Variants in MYO3B observed in about 807,000 individuals in gnomAD.
MYO3B encodes the protein myosin IIIB, also known as myosin-IIIb.
In MYO3B, 156 loss-of-function variants were observed where a neutral mutation model predicts 174.6. That is an observed-to-expected ratio of 0.89 (90% confidence interval 0.78 to 1.02). The LOEUF (loss-of-function observed/expected upper bound fraction) is 1.02, where lower values mean the gene tolerates loss of function less well. Ranked by LOEUF, MYO3B falls within the 50% of genes least tolerant of loss-of-function variation. MYO3B has a pLI of 0.00. For missense variants in MYO3B, 1,632 were observed against 1,639.4 expected (o/e 1.00, Z 0.08); for synonymous variants, 563 against 569.1 (o/e 0.99, Z 0.15).
intron 7 of MYO3B, among the ~76,000 whole-genome samples, chr2:170,273,527 A>G (rs1253195154): frequency 6.6e-6 from 1 of 152,140 alleles, no homozygotes; most frequent in East Asian, 1.9e-4. Context: ...CAGCCGTATC[A>G]AATTAAGTCT....
intron 7 of MYO3B, among the ~76,000 whole-genome samples, chr2:170,319,996 A>G (rs2093812418): frequency 6.6e-6 from 1 of 152,248 alleles, no homozygotes; most frequent in Non-Finnish European, 1.5e-5. Context: ...ACTTGTTGCT[A>G]GCCAACCCGC....
chr2:170,216,920 G>A (rs1244140495), intron 5 of MYO3B, among the ~76,000 whole-genome samples: 1 of 151,844 alleles, frequency 6.6e-6, no homozygotes, highest in Non-Finnish European at 1.5e-5. Flanking sequence ...TTTAAATAGA[G>A]TGATAAATGC....
intron 8 of MYO3B, among the ~76,000 whole-genome samples, chr2:170,355,477 TTATC>T (rs1416194862): frequency 6.6e-6 from 1 of 152,214 alleles, no homozygotes; most frequent in African/African-American, 2.4e-5. Flanking sequence ...TCCTGCCTCT[TTATC>T]TAATCTCCTA....
chr2:170,379,576 C>A (rs2094320995), intron 9 of MYO3B, among the ~76,000 whole-genome samples: 1 of 152,176 alleles, frequency 6.6e-6, no homozygotes, highest in Admixed American at 6.5e-5. Flanking sequence ...TATGTATCCT[C>A]CTGCTGTTTT....
At chr2:170,592,164 A>G (rs1693857197) in intron 32 of MYO3B, among the ~76,000 whole-genome samples, 1 of 152,180 alleles carries the variant, frequency 6.6e-6, no homozygotes, top group Non-Finnish European at 1.5e-5. Context: ...CACCATAACC[A>G]TATCACTAAA....
chr2:170,178,385 G>A (rs2092357942), intron 1 of MYO3B, 96 bp downstream of exon 1: 2 of 1,514,396 alleles, frequency 1.3e-6, no homozygotes, highest in Non-Finnish European at 1.8e-6. Context: ...CTGGTGGGCA[G>A]TGGAGGGGGA....
rs756891723 is a variant in MYO3B, at chr2:170,313,063, C to G, written c.750-22322C>G. ...ATGTAATAAATGCATTAGCATTGCC[C>G]CTTCTTCTACTCCCAGTAATTGGCA... On this transcript the variant is annotated intron_variant, in intron 7 of 34. Transcript: ENST00000408978. 1.0e-3 allele frequency among the ~76,000 whole-genome samples: 154 copies of G among 152,164 alleles called. 1 individual carries two copies. The highest frequency in any genetic ancestry group is 3.8e-4 in the Non-Finnish European group (26 of 68,028).
intron 32 of MYO3B, among the ~76,000 whole-genome samples, chr2:170,549,258 T>C (rs1404067597): frequency 6.6e-6 from 1 of 152,256 alleles, no homozygotes; most frequent in Non-Finnish European, 1.5e-5. Context: ...GTTTTCTTCC[T>C]GTCTACAGGG....
intron 32 of MYO3B, among the ~76,000 whole-genome samples, chr2:170,555,410 C>T (rs1377077047): frequency 1.3e-5 from 2 of 152,184 alleles, no homozygotes; most frequent in African/African-American, 2.4e-5. Flanking sequence ...CCCATCTCTA[C>T]CTCCTTATTC....
chr2:170,427,975 G>T (rs998879996), intron 22 of MYO3B, among the ~76,000 whole-genome samples: 1 of 152,160 alleles, frequency 6.6e-6, no homozygotes, highest in Non-Finnish European at 1.5e-5. Context: ...TAGGAGAATA[G>T]ATGTTATAAA....
intron 6 of MYO3B, among the ~76,000 whole-genome samples, chr2:170,224,872 A>T (rs1027607272): frequency 6.6e-6 from 1 of 152,212 alleles, no homozygotes; most frequent in African/African-American, 2.4e-5. Flanking sequence ...TGCCATAACA[A>T]CTAGCTTACA....
intron 25 of MYO3B, 90 bp downstream of exon 25, chr2:170,466,801 C>T: frequency 7.6e-7 from 1 of 1,314,614 alleles, no homozygotes; most frequent in East Asian, 2.4e-5. Context: ...CCTGCGTGCT[C>T]TCCTCCAAAC....
At chr2:170,467,434 T>C (rs966594536) in intron 25 of MYO3B, among the ~76,000 whole-genome samples, 5 of 152,092 alleles carry the variant, frequency 3.3e-5, no homozygotes, top group Non-Finnish European at 7.3e-5. Context: ...TGCCTAAGAA[T>C]GAAATGCTGC....
intron 29 of MYO3B, among the ~76,000 whole-genome samples, chr2:170,517,338 G>A (rs1688380243): frequency 6.6e-6 from 1 of 152,178 alleles, no homozygotes; most frequent in Non-Finnish European, 1.5e-5. Context: ...GGAAACCCCA[G>A]CAAAGTAGCT....
At chr2:170,409,222 C>T (rs1398632598) in intron 22 of MYO3B, among the ~76,000 whole-genome samples, 1 of 152,196 alleles carries the variant, frequency 6.6e-6, no homozygotes, top group Non-Finnish European at 1.5e-5. Context: ...CATTTAACAG[C>T]CTGGACCACT....
intron 7 of MYO3B, among the ~76,000 whole-genome samples, chr2:170,288,171 G>A (rs1475052630): frequency 6.6e-6 from 1 of 151,232 alleles, no homozygotes; most frequent in African/African-American, 2.4e-5. Context: ...CTCCAGCTTC[G>A]CTCTTTTTGC....
rs190364542 is a variant in MYO3B, at chr2:170,474,514, A to G, written c.3014+7803A>G. Among the ~76,000 whole-genome samples, 198 of 151,966 alleles carry G rather than the reference A, an allele frequency of 1.3e-3. 1 individual carries two copies. Among genetic ancestry groups the G allele is most frequent in the African/African-American group, 4.3e-3 (179 of 41,448 alleles). On this transcript the variant is annotated intron_variant, in intron 25 of 34. Coordinates refer to ENST00000408978, the MANE Select transcript of MYO3B (RefSeq NM_138995.5). ...CACTTTGGGAGGCCAAGGTGGGTGGATCACCTGAGGTCGGGAGTTGAAGAC... is the reference window on the plus strand; with the variant it reads ...CACTTTGGGAGGCCAAGGTGGGTGGGTCACCTGAGGTCGGGAGTTGAAGAC...
intron 27 of MYO3B, among the ~76,000 whole-genome samples, chr2:170,500,085 A>C (rs1409084689): frequency 6.6e-6 from 1 of 152,212 alleles, no homozygotes; most frequent in East Asian, 1.9e-4. Flanking sequence ...GGGGTGAAAG[A>C]AACTTTCTTT....
At chr2:170,417,623 G>C (rs894031885) in intron 22 of MYO3B, among the ~76,000 whole-genome samples, 11 of 152,188 alleles carry the variant, frequency 7.2e-5, no homozygotes, top group African/African-American at 2.7e-4. Context: ...GGGAGCGTTT[G>C]TTCCAGGCCT....
Sources: gnomAD v4.1 joint callset for allele counts (sites outside exome capture counted in the v4.1 genomes callset) on GRCh38, gnomAD v4.1.1 for gene constraint, MANE v1.5 for transcripts, NCBI Gene and HGNC (gene_info 2026-07-23, HGNC 2026-07-21) for gene names.